The following MCTP1 variants were observed in gnomAD, a reference collection of about 807,000 sequenced individuals.
The protein encoded by MCTP1 is multiple C2 and transmembrane domain-containing protein 1.
Under a neutral mutation model 120.6 loss-of-function variants are expected in MCTP1, and 69 were observed. That is an observed-to-expected ratio of 0.57 (90% CI 0.47 to 0.70). The LOEUF is 0.70. MCTP1 is among the 30% of genes least tolerant of loss of function. The probability of loss-of-function intolerance (pLI) is 0.00; values close to 1 mark genes in which losing one functional copy is unlikely to be tolerated. For missense variants in MCTP1, 1,203 were observed against 1,248.8 expected (o/e 0.96, Z 0.55); for synonymous variants, 529 against 493.1 (o/e 1.07, Z -0.96).
At chr5:95,205,387 A>G (rs901177996) in intron 1 of MCTP1, among the ~76,000 whole-genome samples, 3 of 152,166 alleles carry the variant, frequency 2.0e-5, no homozygotes, top group Non-Finnish European at 4.4e-5. Context: ...TAAAGCTATA[A>G]AACTCTTAGA....
chr5:94,749,101 T>C (rs1317787273), intron 19 of MCTP1, among the ~76,000 whole-genome samples: 1 of 152,240 alleles, frequency 6.6e-6, no homozygotes, highest in Non-Finnish European at 1.5e-5. Context: ...TTAGGTTATA[T>C]GCATCATATT....
intron 5 of MCTP1, 92 bp from the exon 6 acceptor site, chr5:94,932,083 T>C (rs908681741): frequency 7.1e-6 from 6 of 841,544 alleles, no homozygotes; most frequent in Admixed American, 6.2e-5. Context: ...TTATTAGCCC[T>C]TGAAACAGCG....
intron 1 of MCTP1, among the ~76,000 whole-genome samples, chr5:95,025,678 G>A (rs1839129141): frequency 6.6e-6 from 1 of 152,088 alleles, no homozygotes. Flanking sequence ...TACCATACAT[G>A]GTGATGCCAA....
At chr5:94,751,865 A>G (rs1054341675) in intron 19 of MCTP1, among the ~76,000 whole-genome samples, 7 of 151,012 alleles carry the variant, frequency 4.6e-5, no homozygotes, top group African/African-American at 1.7e-4. Context: ...CTTACAAAAA[A>G]CCAAACACCG....
chr5:94,796,515 C>CA (rs1447781048), intron 18 of MCTP1, among the ~76,000 whole-genome samples: 17 of 148,958 alleles, frequency 1.1e-4, no homozygotes, highest in African/African-American at 3.9e-4. Flanking sequence ...TGCATCGCAG[C>CA]ATGGCAACCC....
chr5:95,220,382 A>G (rs1753552980), intron 1 of MCTP1, among the ~76,000 whole-genome samples: 1 of 151,836 alleles, frequency 6.6e-6, no homozygotes, highest in Non-Finnish European at 1.5e-5. Context: ...GGCCTCTACA[A>G]GCATGTACAA....
At chr5:95,162,687 A>T (rs141446360) in intron 1 of MCTP1, among the ~76,000 whole-genome samples, 1 of 152,328 alleles carries the variant, frequency 6.6e-6, no homozygotes, top group African/African-American at 2.4e-5. Flanking sequence ...GGTAGCAAGG[A>T]AAATGTTAGA....
rs1261976966 is a variant in MCTP1 at position 95,256,458 on chromosome 5, AG to A, written c.720+27397del. 2.6e-5 allele frequency among the ~76,000 whole-genome samples: 4 copies of A among 152,292 alleles called. No homozygotes were observed. In the South Asian group the frequency reaches 6.2e-4, roughly 24 times the overall value. ...CATGGGAGGAGAGCTGGAAGGGAAA[AG>A]TCAGAGTACTTGGTACCTACTTCAT... On this transcript the variant is annotated intron_variant, in intron 1 of 22. Coordinates refer to ENST00000515393, the MANE Select transcript of MCTP1 (RefSeq NM_024717.7).
intron 1 of MCTP1, among the ~76,000 whole-genome samples, chr5:95,113,209 A>G (rs987999758): frequency 1.3e-5 from 2 of 152,082 alleles, no homozygotes; most frequent in Non-Finnish European, 2.9e-5. Flanking sequence ...TTAGGGTAGG[A>G]GGGGATGAAG....
chr5:95,074,088 C>G (rs970407811), intron 1 of MCTP1, among the ~76,000 whole-genome samples: 3 of 152,110 alleles, frequency 2.0e-5, no homozygotes, highest in Non-Finnish European at 4.4e-5. Flanking sequence ...TGCACTCCAG[C>G]CTGGGCGACA....
chr5:95,233,808 C>A (rs1253517975), intron 1 of MCTP1, among the ~76,000 whole-genome samples: 2 of 151,886 alleles, frequency 1.3e-5, no homozygotes, highest in Non-Finnish European at 2.9e-5. Context: ...GTTCTCAAAT[C>A]CCCTCAGCTA....
At chr5:95,105,431 A>G (rs1027166034) in intron 1 of MCTP1, among the ~76,000 whole-genome samples, 2 of 152,148 alleles carry the variant, frequency 1.3e-5, no homozygotes, top group African/African-American at 2.4e-5. Flanking sequence ...TCATTTATCT[A>G]TCTTCTCCTG....
At chr5:95,130,229 C>T (rs1758941569) in intron 1 of MCTP1, among the ~76,000 whole-genome samples, 1 of 152,158 alleles carries the variant, frequency 6.6e-6, no homozygotes, top group African/African-American at 2.4e-5. Context: ...TATGTAAATC[C>T]TATTGATTCT....
intron 17 of MCTP1, among the ~76,000 whole-genome samples, chr5:94,830,012 T>C (rs1044094036): frequency 1.3e-5 from 2 of 152,228 alleles, no homozygotes; most frequent in African/African-American, 4.8e-5. Flanking sequence ...GCAGCCACAC[T>C]CTTTATAGTA....
At chr5:95,235,098 T>C (rs1015608023) in intron 1 of MCTP1, among the ~76,000 whole-genome samples, 1 of 151,956 alleles carries the variant, frequency 6.6e-6, no homozygotes, top group African/African-American at 2.4e-5. Flanking sequence ...ATATAAACAA[T>C]ATATAAAATT....
chr5:95,243,383 CAT>C (rs1756386308), intron 1 of MCTP1, among the ~76,000 whole-genome samples: 1 of 152,020 alleles, frequency 6.6e-6, no homozygotes. Context: ...AAGAGGTAGA[CAT>C]GTGAGGAAAA....
intron 1 of MCTP1, among the ~76,000 whole-genome samples, chr5:95,040,236 G>C (rs1842102624): frequency 1.3e-5 from 2 of 152,102 alleles, no homozygotes; most frequent in South Asian, 4.1e-4. Flanking sequence ...AGGAGTTTGA[G>C]ACAAGCCTGG....
rs35136173 is a variant in MCTP1 at position 95,069,700 on chromosome 5, CT to C, written c.721-52217del. Among the ~76,000 whole-genome samples the C allele has an allele frequency of 3.4e-3, 465 of 138,150 alleles. 1 individual carries two copies. The highest frequency in any genetic ancestry group is 0.011 in the African/African-American group (398 of 37,218). 90.6% of individuals were successfully genotyped at this position (138,150 alleles called of 152,430 possible). ...CACAAAAACAAATGACCCTTCTGCC[CT>C]TTTTTTTTTTTTTTTGAGACAAAGT... is the stretch of plus-strand genomic sequence containing the variant. On this transcript the variant is annotated intron_variant, in intron 1 of 22. Coordinates refer to ENST00000515393, the MANE Select transcript of MCTP1 (RefSeq NM_024717.7).
At chr5:95,039,249 T>G (rs547201435) in intron 1 of MCTP1, among the ~76,000 whole-genome samples, 23 of 152,200 alleles carry the variant, frequency 1.5e-4, no homozygotes, top group Non-Finnish European at 2.4e-4. Context: ...AGTATCTAAT[T>G]GAGACTTTAA....
Sources: gnomAD v4.1 joint callset for allele counts (sites outside exome capture counted in the v4.1 genomes callset) on GRCh38, gnomAD v4.1.1 for gene constraint, MANE v1.5 for transcripts, NCBI Gene and HGNC (gene_info 2026-07-23, HGNC 2026-07-21) for gene names.